Variants in COL21A1 observed in about 807,000 individuals in gnomAD.
COL21A1 encodes the protein collagen alpha-1(XXI) chain.
COL21A1 carries 149 observed loss-of-function variants against 137.9 expected under a neutral mutation model. The ratio of observed to expected loss-of-function variants is 1.08; its 90% CI spans 0.95 to 1.24. COL21A1 has a LOEUF of 1.24. Ranked by LOEUF, COL21A1 falls within the 50% of genes most tolerant of loss-of-function variation. COL21A1 has a pLI of 0.00. For synonymous variants in COL21A1, 456 were observed against 391.5 expected, an observed-to-expected ratio of 1.16 and a Z score of -1.95; for missense variants, 1,167 against 1,158.4, an observed-to-expected ratio of 1.01 and a Z score of -0.11.
chr6:56,150,565 C>CACACACACACAAAA (rs1402170446), intron 10 of COL21A1, among the ~76,000 whole-genome samples: 1 of 112,616 alleles, frequency 8.9e-6, no homozygotes, highest in African/African-American at 3.6e-5. Flanking sequence ...CACACACACA[C>CACACACACACAAAA]AAGAGTGGGG....
At chr6:56,181,822 G>C (rs7774374) in intron 2 of COL21A1, among the ~76,000 whole-genome samples, 115,267 of 151,980 alleles carry the variant, frequency 0.76, 44,230 homozygotes, top group African/African-American at 0.87. Flanking sequence ...TTAAAATCCC[G>C]TTTTCCACCC....
At chr6:56,188,933 G>A (rs1360747744) in intron 1 of COL21A1, among the ~76,000 whole-genome samples, 2 of 152,092 alleles carry the variant, frequency 1.3e-5, no homozygotes, top group East Asian at 3.9e-4. Context: ...GAAAAGAATA[G>A]TACGTCCACT....
chr6:56,097,993 GTAAATATATAAATATATAAATATATATA>G (rs1769655342), intron 17 of COL21A1, among the ~76,000 whole-genome samples: 1 of 9,110 alleles, frequency 1.1e-4, no homozygotes, highest in African/African-American at 5.6e-4. Flanking sequence ...AAATATATAT[GTAAATATATAAATATATAAATATATATA>G]AATATATATG....
At chr6:56,155,663 C>A (rs1200914646) in intron 10 of COL21A1, among the ~76,000 whole-genome samples, 1 of 152,190 alleles carries the variant, frequency 6.6e-6, no homozygotes, top group Non-Finnish European at 1.5e-5. Flanking sequence ...CTGGCATGAT[C>A]TCAGCTCATG....
At chr6:56,240,058 G>A (rs1269828507) in intron 1 of COL21A1, among the ~76,000 whole-genome samples, 2 of 152,004 alleles carry the variant, frequency 1.3e-5, no homozygotes, top group African/African-American at 4.8e-5. Context: ...CCTTCCGCTT[G>A]GCTCTCATTT....
intron 1 of COL21A1, among the ~76,000 whole-genome samples, chr6:56,235,720 T>C (rs1243483519): frequency 3.9e-5 from 6 of 151,952 alleles, no homozygotes; most frequent in Admixed American, 1.3e-4. Flanking sequence ...CCCTGTCTAA[T>C]TGGTTATTCA....
At chr6:56,316,353 G>A (rs1379671652) in intron 1 of COL21A1, among the ~76,000 whole-genome samples, 2 of 151,684 alleles carry the variant, frequency 1.3e-5, no homozygotes, top group African/African-American at 2.4e-5. Flanking sequence ...GGTACTTAAT[G>A]CATTATTATA....
chr6:56,204,721 A>G (rs1269920978), intron 1 of COL21A1, among the ~76,000 whole-genome samples: 1 of 152,170 alleles, frequency 6.6e-6, no homozygotes, highest in Non-Finnish European at 1.5e-5. Flanking sequence ...GACACCTCAT[A>G]CAGGAGAGCT....
chr6:56,098,625 AAAT>A (rs1562193687), intron 17 of COL21A1, among the ~76,000 whole-genome samples: 9 of 41,290 alleles, frequency 2.2e-4, no homozygotes, highest in Non-Finnish European at 2.8e-4. Flanking sequence ...AAATATATAT[AAAT>A]ATATATATAA....
intron 16 of COL21A1, among the ~76,000 whole-genome samples, chr6:56,106,435 G>T (rs1770899799): frequency 6.6e-6 from 1 of 152,102 alleles, no homozygotes; most frequent in Non-Finnish European, 1.5e-5. Context: ...TGTGCCACAA[G>T]AATCTAAAAT....
upstream of COL21A1, among the ~76,000 whole-genome samples, chr6:56,249,214 A>G (rs755813307): frequency 4.6e-5 from 7 of 152,234 alleles, no homozygotes; most frequent in Non-Finnish European, 7.3e-5. Context: ...TAAGAAAAAC[A>G]ATAAGTGTTA....
At chr6:56,381,799 G>T (rs370897582) in intron 1 of COL21A1, among the ~76,000 whole-genome samples, 2 of 152,210 alleles carry the variant, frequency 1.3e-5, no homozygotes, top group African/African-American at 4.8e-5. Flanking sequence ...GTATTTTAAT[G>T]AAGCTGAAAG....
intron 1 of COL21A1, among the ~76,000 whole-genome samples, chr6:56,283,447 AC>A (rs1763829373): frequency 6.6e-6 from 1 of 152,196 alleles, no homozygotes; most frequent in Non-Finnish European, 1.5e-5. Flanking sequence ...TAGGCACGGA[AC>A]AAAAGCATAC....
chr6:56,369,500 GA>G (rs574780719), intron 1 of COL21A1, among the ~76,000 whole-genome samples: 1 of 150,658 alleles, frequency 6.6e-6, no homozygotes, highest in African/African-American at 2.4e-5. Flanking sequence ...CATAAAGGTA[GA>G]AAAAAAATAA....
chr6:56,228,388 T>C (rs1338158758), intron 1 of COL21A1, among the ~76,000 whole-genome samples: 2 of 151,690 alleles, frequency 1.3e-5, no homozygotes, highest in South Asian at 4.2e-4. Context: ...ACTGTTTGAT[T>C]GCAGTGGACA....
At chr6:56,376,252 A>C (rs2093999050) in intron 1 of COL21A1, among the ~76,000 whole-genome samples, 1 of 152,192 alleles carries the variant, frequency 6.6e-6, no homozygotes, top group South Asian at 2.1e-4. Context: ...ACATTTGAGA[A>C]GACAAGTATA....
At chr6:56,171,265 G>C in intron 3 of COL21A1, 137 bp from the exon 4 acceptor site, 1 of 430,172 alleles carries the variant, frequency 2.3e-6, no homozygotes, top group Non-Finnish European at 4.0e-6. Context: ...CAAATGTATA[G>C]TATATAAATG....
In COL21A1 at chr6:56,345,320, C is replaced by T. The variant is rs192837269; in HGVS notation, c.-39+48651G>A. On this transcript the variant is annotated intron_variant, in intron 1 of 28. Coordinates refer to the COL21A1 transcript ENST00000370819. Reference sequence around the variant, plus strand: ...ATTTGAGTAGGTGGCTTTTTGCAGTCCTTTAAGAACAATAACAATAAATAC... The same window carrying T: ...ATTTGAGTAGGTGGCTTTTTGCAGTTCTTTAAGAACAATAACAATAAATAC... 2.0e-3 allele frequency among the ~76,000 whole-genome samples: 307 copies of T among 152,130 alleles called. 3 individuals are homozygous for T. Among genetic ancestry groups the T allele is most frequent in the Middle Eastern group, 6.8e-3 (2 of 294 alleles).
At chr6:56,223,338 C>T (rs966022157) in intron 1 of COL21A1, among the ~76,000 whole-genome samples, 1 of 152,032 alleles carries the variant, frequency 6.6e-6, no homozygotes, top group Non-Finnish European at 1.5e-5. Flanking sequence ...ACTGTACTTT[C>T]TTATTTCATA....
Sources: gnomAD v4.1 joint callset for allele counts (sites outside exome capture counted in the v4.1 genomes callset) on GRCh38, gnomAD v4.1.1 for gene constraint, MANE v1.5 for transcripts, NCBI Gene and HGNC (gene_info 2026-07-23, HGNC 2026-07-21) for gene names.